SOD2: variants seen among roughly 807,000 people sequenced by gnomAD.
SOD2 encodes superoxide dismutase 2, also known as superoxide dismutase [Mn], mitochondrial.
In SOD2, 11 loss-of-function variants were observed where a neutral mutation model predicts 27.0. The ratio of observed to expected loss-of-function variants is 0.41; its 90% CI spans 0.26 to 0.67. SOD2 has a LOEUF of 0.67. SOD2 is among the 30% of genes least tolerant of loss of function. SOD2 has a pLI of 0.34. For synonymous variants in SOD2, 105 were observed against 103.0 expected (o/e 1.02, Z -0.12); for missense variants, 250 against 274.5 (o/e 0.91, Z 0.63).
At chr6:159,735,284 G>A (rs558877188) in intron 1 of SOD2, among the ~76,000 whole-genome samples, 1 of 152,188 alleles carries the variant, frequency 6.6e-6, no homozygotes, top group African/African-American at 2.4e-5. Context: ...GATTACAGGC[G>A]TGTGCCACTA....
chr6:159,733,303 G>A (rs1778702850), intron 1 of SOD2, among the ~76,000 whole-genome samples: 2 of 152,190 alleles, frequency 1.3e-5, no homozygotes, highest in Admixed American at 1.3e-4. Context: ...TTATCTGTTT[G>A]CTGTATCCCT....
intron 1 of SOD2, chr6:159,755,733 GTTGT>G: frequency 1.1e-5 from 6 of 551,022 alleles, no homozygotes; most frequent in Non-Finnish European, 1.1e-5. Flanking sequence ...GTTTTTTTTT[GTTGT>G]TTTTTTTCTT....
At chr6:159,742,528 TTA>T (rs1779320478) in intron 1 of SOD2, among the ~76,000 whole-genome samples, 1 of 152,182 alleles carries the variant, frequency 6.6e-6, no homozygotes, top group South Asian at 2.1e-4. Flanking sequence ...AGTAACAGAT[TTA>T]TGACAGCTTA....
Position 159,674,905 on chromosome 6 carries a change from G to A in SOD2, c.*7588C>T, listed in dbSNP as rs1391404494. The A allele has an allele frequency of 6.6e-6, 1 of 152,148 alleles. No individual in the cohort carries two copies. The highest frequency in any genetic ancestry group is 1.5e-5 in the Non-Finnish European group (1 of 68,040). The allele number at this position is 152,148 out of a possible 1,614,324, so 9.4% of individuals were successfully genotyped here. ...ATAAGCAACTTCAGCAAAATCTCAG[G>A]ATACAAAATCAATGTGCAAAAATCA... is the stretch of plus-strand genomic sequence containing the variant. On this transcript the variant is annotated 3_prime_UTR_variant, in exon 5 of 5. Transcript: ENST00000538183.
chr6:159,701,134 A>G (rs1482392863), intron 1 of SOD2, among the ~76,000 whole-genome samples: 1 of 152,172 alleles, frequency 6.6e-6, no homozygotes, highest in Non-Finnish European at 1.5e-5. Flanking sequence ...TCTCCAGGCC[A>G]ATCCCTGGAG....
chr6:159,756,706 ATCC>A (rs753692620), intron 1 of SOD2, among the ~76,000 whole-genome samples: 2 of 149,130 alleles, frequency 1.3e-5, no homozygotes, highest in Non-Finnish European at 3.0e-5. Context: ...GACTCAAGTG[ATCC>A]TCCCACTTCA....
chr6:159,739,590 A>G (rs1779120554), intron 1 of SOD2, among the ~76,000 whole-genome samples: 1 of 152,224 alleles, frequency 6.6e-6, no homozygotes, highest in South Asian at 2.1e-4. Context: ...ATCAGGAAGT[A>G]GGATGTTCTG....
upstream of SOD2, chr6:159,727,406 AG>A: frequency 4.0e-6 from 2 of 501,438 alleles, no homozygotes; most frequent in Non-Finnish European, 5.3e-6. Context: ...GGCGGGAGGC[AG>A]TGGCGCTGGC....
rs732498 is a variant in SOD2, at chr6:159,670,528, G to A, written c.*11965C>T. 42,207 of 152,046 alleles carry A rather than the reference G, an allele frequency of 0.28. 6,046 individuals are homozygous for A. The highest frequency in any genetic ancestry group is 0.4 in the East Asian group (2,090 of 5,172). 9.4% of individuals were successfully genotyped at this position (152,046 alleles called of 1,614,324 possible). ...AAGTTGTGTGCCTTCTGTAAATGAC[G>A]ATTTAATAATATCAATATCCATTTA... On this transcript the variant is annotated 3_prime_UTR_variant, in exon 5 of 5. Transcript: ENST00000538183.
upstream of SOD2, among the ~76,000 whole-genome samples, chr6:159,729,107 A>G (rs1778407818): frequency 2.0e-5 from 3 of 152,324 alleles, no homozygotes; most frequent in South Asian, 6.2e-4. Flanking sequence ...TGATGTGGAG[A>G]TGAGCATTGT....
intron 1 of SOD2, among the ~76,000 whole-genome samples, chr6:159,703,052 C>T (rs1466857252): frequency 5.9e-5 from 9 of 152,004 alleles, no homozygotes; most frequent in South Asian, 2.1e-4. Context: ...TGGTGGCTCA[C>T]GCCTGTAATC....
intron 2 of SOD2, among the ~76,000 whole-genome samples, chr6:159,689,498 T>C (rs916228077): frequency 4.6e-5 from 7 of 152,108 alleles, no homozygotes; most frequent in Non-Finnish European, 1.0e-4. Flanking sequence ...CTATTAATAT[T>C]AGAAAAAAAT....
upstream of SOD2, chr6:159,748,438 AG>A: frequency 1.3e-6 from 2 of 1,579,936 alleles, no homozygotes; most frequent in Non-Finnish European, 1.7e-6. This position sits in a 1 kb window ranked among gnomAD's most constrained non-coding sequence, Gnocchi z 5.6. Flanking sequence ...GTGGTGGGAC[AG>A]CCAAGTACTC....
chr6:159,740,761 T>A (rs1779207277), intron 1 of SOD2, among the ~76,000 whole-genome samples: 1 of 151,428 alleles, frequency 6.6e-6, no homozygotes. Flanking sequence ...TGGAATGCAG[T>A]TGCGCGATCT....
intron 1 of SOD2, among the ~76,000 whole-genome samples, chr6:159,705,947 A>G (rs1335943908): frequency 1.3e-5 from 2 of 152,348 alleles, no homozygotes; most frequent in African/African-American, 4.8e-5. Context: ...GCCAGAAGAG[A>G]GTGGGGGCCA....
At chr6:159,726,961 AAC>A (rs1022658543) in intron 1 of SOD2, 1 of 1,285,140 alleles carries the variant, frequency 7.8e-7, no homozygotes, top group African/African-American at 1.5e-5. Context: ...GAGCGTCACG[AAC>A]ACAGAGCGGC....
At chr6:159,702,443 T>G (rs1282038363) in intron 1 of SOD2, among the ~76,000 whole-genome samples, 4 of 151,354 alleles carry the variant, frequency 2.6e-5, no homozygotes. Context: ...ACTACAGACG[T>G]GCACTGCCAC....
At chr6:159,692,325 A>C (rs544946946) in intron 2 of SOD2, 1 of 1,019,342 alleles carries the variant, frequency 9.8e-7, no homozygotes, top group Non-Finnish European at 1.3e-6. Context: ...TTGCAAAAAA[A>C]ACGAGTGACA....
intron 1 of SOD2, among the ~76,000 whole-genome samples, chr6:159,719,786 C>T (rs572230818): frequency 2.6e-4 from 39 of 149,678 alleles, no homozygotes; most frequent in Non-Finnish European, 3.1e-4. Flanking sequence ...TGCAGTCACG[C>T]GATCTTGGCT....
Sources: gnomAD v4.1 joint callset for allele counts (sites outside exome capture counted in the v4.1 genomes callset) on GRCh38, gnomAD v4.1.1 for gene constraint, Gnocchi (gnomAD v3.1) non-coding constraint, MANE v1.5 for transcripts, NCBI Gene and HGNC (gene_info 2026-07-23, HGNC 2026-07-21) for gene names.